The following KCNQ1OT1 variants were observed in gnomAD, a reference collection of about 807,000 sequenced individuals.
The protein encoded by KCNQ1OT1 is KCNQ1 antisense RNA 2 (non-protein coding).
In KCNQ1OT1 at chr11:2,610,802, C is replaced by T. The variant is rs979904124; in HGVS notation, n.89193G>A. The T allele has an allele frequency of 7.6e-5, 22 of 288,798 alleles. No homozygotes were observed. The South Asian group carries it at 9.9e-4, about 13-fold the overall frequency. 17.9% of individuals were successfully genotyped at this position (288,798 alleles called of 1,614,324 possible). On this transcript the variant is annotated non_coding_transcript_exon_variant, in exon 1 of 1. Coordinates refer to ENST00000597346, the Ensembl canonical transcript of KCNQ1OT1. ...ACTTTCTGGGTACCACTGTTTCTGA[C>T]GAAAAGTCAGCTCCACATTTGTCTC...
chr11:2,656,900 G>C (rs1195623361), exon 1 of KCNQ1OT1: 58 of 398,492 alleles, frequency 1.5e-4, no homozygotes, highest in Non-Finnish European at 1.9e-4. Flanking sequence ...TTTGGTATAT[G>C]ATGTGAGGTA....
At chr11:2,697,444 G>A (rs532151517) in exon 1 of KCNQ1OT1, 10 of 398,404 alleles carry the variant, frequency 2.5e-5, no homozygotes, top group African/African-American at 2.1e-4. Flanking sequence ...ATCTTAAAGA[G>A]AATGATACAC....
At chr11:2,648,981 C>CTTTTTTCTTTT (rs1849710956) in exon 1 of KCNQ1OT1, 5 of 213,304 alleles carry the variant, frequency 2.3e-5, no homozygotes, top group Admixed American at 9.7e-5. Flanking sequence ...TTTTCTTTTT[C>CTTTTTTCTTTT]TTTTTTTTTT....
chr11:2,616,006 G>A (rs1849057452), exon 1 of KCNQ1OT1: 1 of 397,974 alleles, frequency 2.5e-6, no homozygotes, highest in Non-Finnish European at 4.4e-6. Flanking sequence ...TTCATTGGAA[G>A]GTTTTTGGTT....
rs1850261877 is a variant in KCNQ1OT1, at chr11:2,674,797, C to T, written n.25198G>A. 5.2e-6 allele frequency: 2 copies of T among 386,374 alleles called. No homozygotes were observed. The highest frequency in any genetic ancestry group is 1.4e-4 in the South Asian group (1 of 7,316). The allele number at this position is 386,374 out of a possible 1,614,324, so 23.9% of individuals were successfully genotyped here. A position where few individuals can be genotyped will look rare whatever the true frequency, so the allele number is the denominator to read the frequency against. ...CTGGAAACTCTCGCCAACTGCTGGCCTTTGGAAAGGCTTGTCACCCTAATA... is the reference window on the plus strand; with the variant it reads ...CTGGAAACTCTCGCCAACTGCTGGCTTTTGGAAAGGCTTGTCACCCTAATA... On this transcript the variant is annotated non_coding_transcript_exon_variant, in exon 1 of 1. Transcript: ENST00000597346. This position sits in a 1 kb window ranked among gnomAD's most constrained non-coding sequence, Gnocchi z 5.9.
rs1046328073 is a variant in KCNQ1OT1, at chr11:2,645,169, G to A, written n.54826C>T. 2 of 398,592 alleles carry A rather than the reference G, an allele frequency of 5.0e-6. No individual in the cohort carries two copies. The highest frequency in any genetic ancestry group is 8.8e-5 in the Admixed American group (2 of 22,716). The allele number at this position is 398,592 out of a possible 1,614,324, so 24.7% of individuals were successfully genotyped here. Reference sequence around the variant, plus strand: ...ATCTTCTGCCTCCCAAGGTGTCCATGCTGGTATTGGGATGGCTGGGATAAG... The same window carrying A: ...ATCTTCTGCCTCCCAAGGTGTCCATACTGGTATTGGGATGGCTGGGATAAG... On this transcript the variant is annotated non_coding_transcript_exon_variant, in exon 1 of 1. Transcript: ENST00000597346. This position sits in a 1 kb window ranked among gnomAD's most constrained non-coding sequence, Gnocchi z 5.8.
At position 2,645,137 on chromosome 11, in the gene KCNQ1OT1, C is replaced by T. The variant is rs567750318; in HGVS notation, n.54858G>A. 396 of 398,628 alleles carry T rather than the reference C, an allele frequency of 9.9e-4. 2 individuals are homozygous for T. Among genetic ancestry groups the T allele is most frequent in the Middle Eastern group, 7.5e-3 (12 of 1,590 alleles). The allele number at this position is 398,628 out of a possible 1,614,324, so 24.7% of individuals were successfully genotyped here. Reference sequence around the variant, plus strand: ...GCTTGGGCAATGGCAGTAGCAGTGGCAGAACAATCTTCTGCCTCCCAAGGT... The same window carrying T: ...GCTTGGGCAATGGCAGTAGCAGTGGTAGAACAATCTTCTGCCTCCCAAGGT... On this transcript the variant is annotated non_coding_transcript_exon_variant, in exon 1 of 1. Coordinates refer to ENST00000597346, the Ensembl canonical transcript of KCNQ1OT1. This position sits in a 1 kb window ranked among gnomAD's most constrained non-coding sequence, Gnocchi z 5.8.
chr11:2,640,704 C>G, exon 1 of KCNQ1OT1: 1 of 398,380 alleles, frequency 2.5e-6, no homozygotes, highest in Admixed American at 4.4e-5. Flanking sequence ...TTCAAGTCCT[C>G]TTTTTTATTT....
exon 1 of KCNQ1OT1, chr11:2,675,425 T>G (rs1564854337): frequency 2.5e-6 from 1 of 398,582 alleles, no homozygotes. Flanking sequence ...ATATTGTCAT[T>G]TTGCGTTAAA....
chr11:2,609,386 C>A (rs887338799), exon 1 of KCNQ1OT1: 6 of 398,398 alleles, frequency 1.5e-5, no homozygotes, highest in African/African-American at 8.2e-5. Flanking sequence ...GAAAAAGATA[C>A]CTTGTATTAT....
At position 2,684,407 on chromosome 11, in the gene KCNQ1OT1, T is replaced by C. The variant is rs1590030606; in HGVS notation, n.15588A>G. ...CAGTGGGGTCCATCCCCCTGATTCCTCAGTGCCCCAGCACCACCTCTTTCA... is the reference window on the plus strand; with the variant it reads ...CAGTGGGGTCCATCCCCCTGATTCCCCAGTGCCCCAGCACCACCTCTTTCA... On this transcript the variant is annotated non_coding_transcript_exon_variant, in exon 1 of 1. Transcript: ENST00000597346. 8 of 398,654 alleles carry C rather than the reference T, an allele frequency of 2.0e-5. No individual in the cohort carries two copies. In the East Asian group the frequency reaches 2.8e-4, roughly 14 times the overall value. 24.7% of individuals were successfully genotyped at this position (398,654 alleles called of 1,614,324 possible).
Position 2,621,691 on chromosome 11 carries a change from T to C in KCNQ1OT1, n.78304A>G. On this transcript the variant is annotated non_coding_transcript_exon_variant, in exon 1 of 1. Coordinates refer to ENST00000597346, the Ensembl canonical transcript of KCNQ1OT1. The surrounding 1 kb of genome is among the most constrained non-coding windows in gnomAD (Gnocchi z 5.7). ...GGATATAATTGTTCATAAAAGTCCC[T>C]TATGATCCTTTTTATTTCTGAAGTA... 1 of 398,504 alleles carries C rather than the reference T, an allele frequency of 2.5e-6. No homozygotes were observed. Among genetic ancestry groups the C allele is most frequent in the South Asian group, 1.3e-4 (1 of 7,862 alleles). 24.7% of individuals were successfully genotyped at this position (398,504 alleles called of 1,614,324 possible). A position where few individuals can be genotyped will look rare whatever the true frequency, so the allele number is the denominator to read the frequency against.
rs773502386 is a variant in KCNQ1OT1 at position 2,661,918 on chromosome 11, T to TG, written n.38076dup. ...GCCTGGCTCCACAGCACTGGCAGGT[T>TG]GGGTGGGAGGCCTAACGTGCTGTCC... On this transcript the variant is annotated non_coding_transcript_exon_variant, in exon 1 of 1. Coordinates refer to ENST00000597346, the Ensembl canonical transcript of KCNQ1OT1. This position sits in a 1 kb window ranked among gnomAD's most constrained non-coding sequence, Gnocchi z 5.9. 3.1e-6 allele frequency: 5 copies of TG among 1,613,698 alleles called. No homozygotes were observed. The highest frequency in any genetic ancestry group is 2.5e-6 in the Non-Finnish European group (3 of 1,179,950).
At chr11:2,667,515 G>T in exon 1 of KCNQ1OT1, 1 of 385,970 alleles carries the variant, frequency 2.6e-6, no homozygotes, top group Non-Finnish European at 4.6e-6. Flanking sequence ...GTGGCTGGAG[G>T]GCAAAGGACT....
At chr11:2,615,009 T>C (rs1432623651) in exon 1 of KCNQ1OT1, 6 of 398,332 alleles carry the variant, frequency 1.5e-5, no homozygotes, top group Non-Finnish European at 2.2e-5. Context: ...CAATATTTAA[T>C]CTTCCAATCT....
exon 1 of KCNQ1OT1, chr11:2,644,527 T>C (rs754474130): frequency 1.4e-4 from 57 of 398,436 alleles, no homozygotes; most frequent in Non-Finnish European, 1.7e-4. Flanking sequence ...TTTAATATTA[T>C]ATTGAATTTT....
Position 2,658,445 on chromosome 11 carries a change from G to T in KCNQ1OT1, n.41550C>A, listed in dbSNP as rs1849890096. 1 of 398,558 alleles carries T rather than the reference G, an allele frequency of 2.5e-6. No individual in the cohort carries two copies. The highest frequency in any genetic ancestry group is 1.3e-4 in the South Asian group (1 of 7,858). 24.7% of individuals were successfully genotyped at this position (398,558 alleles called of 1,614,324 possible). On this transcript the variant is annotated non_coding_transcript_exon_variant, in exon 1 of 1. Coordinates refer to ENST00000597346, the Ensembl canonical transcript of KCNQ1OT1. The surrounding 1 kb of genome is among the most constrained non-coding windows in gnomAD (Gnocchi z 4.9). The stretch of plus-strand genomic sequence containing the variant: ...AAGCTGTGGCCACTGGTGGGTTCAT[G>T]TGTCCTTTTGATGTGCCCCCCGCCA...
chr11:2,612,701 C>A lies in KCNQ1OT1; in HGVS notation n.87294G>T. Reference sequence around the variant, plus strand: ...TCTTTGAACATAGTTATAATACTTACTTTGAAATCGCGCCCTAACATTTGG... The same window carrying A: ...TCTTTGAACATAGTTATAATACTTAATTTGAAATCGCGCCCTAACATTTGG... On this transcript the variant is annotated non_coding_transcript_exon_variant, in exon 1 of 1. Coordinates refer to ENST00000597346, the Ensembl canonical transcript of KCNQ1OT1. The surrounding 1 kb of genome is among the most constrained non-coding windows in gnomAD (Gnocchi z 5.5). 1.5e-5 allele frequency: 6 copies of A among 398,518 alleles called. No homozygotes were observed. Among genetic ancestry groups the A allele is most frequent in the Non-Finnish European group, 2.7e-5 (6 of 226,044 alleles). 24.7% of individuals were successfully genotyped at this position (398,518 alleles called of 1,614,324 possible).
Position 2,671,792 on chromosome 11 carries a change from G to A in KCNQ1OT1, n.28203C>T. On this transcript the variant is annotated non_coding_transcript_exon_variant, in exon 1 of 1. Coordinates refer to ENST00000597346, the Ensembl canonical transcript of KCNQ1OT1. The surrounding 1 kb of genome is among the most constrained non-coding windows in gnomAD (Gnocchi z 4.7). ...ACATAATCATTCTGACCCAGTCAGGGTTCTTCCCCCAAATAAATCCCTGCA... is the reference window on the plus strand; with the variant it reads ...ACATAATCATTCTGACCCAGTCAGGATTCTTCCCCCAAATAAATCCCTGCA... 2.5e-6 allele frequency: 1 copy of A among 398,702 alleles called. No individual in the cohort carries two copies. Among genetic ancestry groups the A allele is most frequent in the Non-Finnish European group, 4.4e-6 (1 of 226,124 alleles). The allele number at this position is 398,702 out of a possible 1,614,324, so 24.7% of individuals were successfully genotyped here. A position where few individuals can be genotyped will look rare whatever the true frequency, so the allele number is the denominator to read the frequency against.
Sources: allele counts gnomAD v4.1 joint callset, GRCh38; gene constraint gnomAD v4.1.1; non-coding constraint Gnocchi (gnomAD v3.1); transcripts MANE v1.5; gene names NCBI Gene and HGNC (gene_info 2026-07-23, HGNC 2026-07-21).